XPO7: variants seen among roughly 807,000 people sequenced by gnomAD.
XPO7 encodes the protein exportin-7.
Under a neutral mutation model 144.3 loss-of-function variants are expected in XPO7, and 21 were observed. The observed-to-expected ratio is 0.15, with a 90% CI of 0.10 to 0.21. The LOEUF (loss-of-function observed/expected upper bound fraction) is 0.21, where lower values mean the gene tolerates loss of function less well. Among genes scored for constraint, XPO7 ranks in the 10% least tolerant of loss-of-function variants. XPO7 has a pLI of 1.00. For missense variants in XPO7, 808 were observed against 1,325.8 expected, an observed-to-expected ratio of 0.61 and a Z score of 6.06; for synonymous variants, 580 against 499.6, an observed-to-expected ratio of 1.16 and a Z score of -2.15.
chr8:21,959,473 A>T (rs1158818431), intron 1 of XPO7, among the ~76,000 whole-genome samples: 1 of 152,184 alleles, frequency 6.6e-6, no homozygotes, highest in Admixed American at 6.5e-5. Context: ...AGGAGTAGGG[A>T]TTTGTCTGCC....
At chr8:21,931,580 C>T (rs1810651697) in intron 1 of XPO7, among the ~76,000 whole-genome samples, 1 of 152,198 alleles carries the variant, frequency 6.6e-6, no homozygotes, top group Non-Finnish European at 1.5e-5. Context: ...TTTTTACAAC[C>T]AGCAATGAAA....
chr8:22,003,234 C>T lies in XPO7; in HGVS notation c.2959C>T (p.Leu987=). Residue 987 remains leucine, a synonymous_variant, in exon 26 of 28, where the codon CTG becomes TTG. Coordinates refer to ENST00000252512, the MANE Select transcript of XPO7 (RefSeq NM_015024.5). ...CCATTTTCAGATGCTGTCCACGGTG[C>T]TGAACATCATCATCTTTGAAGACTG... ...EMIQQMLSTV[L]NIIIFEDCRN... is the part of the protein sequence containing the mutation. The T allele has an allele frequency of 6.2e-7, 1 of 1,612,458 alleles. No individual in the cohort carries two copies. Among genetic ancestry groups the T allele is most frequent in the Non-Finnish European group, 8.5e-7 (1 of 1,179,298 alleles).
chr8:21,920,866 T>A (rs1204236770), intron 1 of XPO7, among the ~76,000 whole-genome samples: 1 of 152,190 alleles, frequency 6.6e-6, no homozygotes, highest in Non-Finnish European at 1.5e-5. Context: ...GTGGCATCAT[T>A]CCTCAAGTAA....
chr8:21,961,918 C>T (rs1181063843), intron 1 of XPO7, among the ~76,000 whole-genome samples: 1 of 152,250 alleles, frequency 6.6e-6, no homozygotes, highest in South Asian at 2.1e-4. Context: ...CCGCCTGAGC[C>T]TCCCAAAGTG....
At chr8:21,934,640 T>C (rs937663766) in intron 1 of XPO7, among the ~76,000 whole-genome samples, 1 of 152,032 alleles carries the variant, frequency 6.6e-6, no homozygotes, top group Non-Finnish European at 1.5e-5. Context: ...AGAAATGACA[T>C]GTTGAAAGTT....
At chr8:21,995,643 T>G (rs376982950) in intron 21 of XPO7, 44 bp downstream of exon 21, 1 of 1,450,560 alleles carries the variant, frequency 6.9e-7, no homozygotes, top group African/African-American at 1.4e-5. Context: ...TGCCCTGTTA[T>G]CTGAGAGAAT....
At chr8:21,927,184 C>G (rs1169200486) in intron 1 of XPO7, among the ~76,000 whole-genome samples, 1 of 151,822 alleles carries the variant, frequency 6.6e-6, no homozygotes, top group East Asian at 1.9e-4. Context: ...TACAGGAGTT[C>G]AAGTCCAGCC....
intron 1 of XPO7, among the ~76,000 whole-genome samples, chr8:21,924,318 CAT>C (rs1246066396): frequency 1.3e-5 from 2 of 152,158 alleles, no homozygotes; most frequent in African/African-American, 2.4e-5. Context: ...GTACAGAAAT[CAT>C]ATGTGTTCAG....
chr8:21,989,184 GT>G, intron 16 of XPO7, 101 bp downstream of exon 16: 2 of 1,087,360 alleles, frequency 1.8e-6, no homozygotes, highest in Non-Finnish European at 2.7e-6. Flanking sequence ...TAGCTGTAGT[GT>G]GTACTCACAT....
intron 1 of XPO7, among the ~76,000 whole-genome samples, chr8:21,960,627 T>C (rs896700548): frequency 1.3e-5 from 2 of 152,220 alleles, no homozygotes; most frequent in African/African-American, 4.8e-5. Flanking sequence ...GCCATCCTTA[T>C]CTCATGCACG....
At chr8:21,944,368 G>A (rs144054129) in intron 1 of XPO7, among the ~76,000 whole-genome samples, 3,462 of 152,200 alleles carry the variant, frequency 0.023, 138 homozygotes, top group African/African-American at 0.079. Flanking sequence ...AGGAGTTCGA[G>A]ACCAGCCTGG....
chr8:21,963,806 C>T lies in XPO7; in HGVS notation c.19-3051C>T, dbSNP rs556626222. ...AGTAATATAACATCTAATGTACCAA[C>T]AAAATCTTTATTTTCCCCTAATCTA... On this transcript the variant is annotated intron_variant, in intron 1 of 27. Coordinates refer to ENST00000252512, the MANE Select transcript of XPO7 (RefSeq NM_015024.5). Among the ~76,000 whole-genome samples, 29 of 152,076 alleles carry T rather than the reference C, an allele frequency of 1.9e-4. No individual in the cohort carries two copies. The East Asian group carries it at 2.9e-3, about 15-fold the overall frequency.
At chr8:21,969,662 A>G in intron 3 of XPO7, 86 bp downstream of exon 3, 1 of 1,231,240 alleles carries the variant, frequency 8.1e-7, no homozygotes. Flanking sequence ...GTGTTTGTTC[A>G]ATGATATGCT....
intron 8 of XPO7, among the ~76,000 whole-genome samples, 164 bp from the exon 9 acceptor site, chr8:21,979,920 G>A (rs1563330404): frequency 6.6e-6 from 1 of 151,732 alleles, no homozygotes; most frequent in Non-Finnish European, 1.5e-5. Flanking sequence ...GAATTTAATG[G>A]GCTGCCGTGG....
At chr8:21,970,105 T>G in intron 3 of XPO7, 39 bp from the exon 4 acceptor site, 2 of 1,591,312 alleles carry the variant, frequency 1.3e-6, no homozygotes, top group Non-Finnish European at 1.7e-6. Flanking sequence ...GAGCTTTCTA[T>G]TATGTGGATT....
chr8:21,924,319 A>G (rs1198204060), intron 1 of XPO7, among the ~76,000 whole-genome samples: 3 of 152,126 alleles, frequency 2.0e-5, no homozygotes, highest in African/African-American at 4.8e-5. Context: ...TACAGAAATC[A>G]TATGTGTTCA....
At chr8:21,990,446 C>G in intron 17 of XPO7, 39 bp downstream of exon 17, 3 of 1,604,194 alleles carry the variant, frequency 1.9e-6, no homozygotes, top group Non-Finnish European at 2.6e-6. Flanking sequence ...CCTCCTACCA[C>G]CCACACATAC....
chr8:21,920,452 G>A (rs1373920352), intron 1 of XPO7, among the ~76,000 whole-genome samples: 1 of 152,108 alleles, frequency 6.6e-6, no homozygotes, highest in Non-Finnish European at 1.5e-5. Flanking sequence ...CACAGTGAAG[G>A]AGTTGAGCGC....
intron 1 of XPO7, among the ~76,000 whole-genome samples, chr8:21,952,054 T>G (rs1380920665): frequency 2.0e-5 from 3 of 152,188 alleles, no homozygotes; most frequent in Non-Finnish European, 4.4e-5. Context: ...TTCTCTCCTT[T>G]CCTAGGATGG....
Sources: allele counts gnomAD v4.1 joint callset (sites outside exome capture counted in the v4.1 genomes callset), GRCh38; gene constraint gnomAD v4.1.1; transcripts MANE v1.5; gene names NCBI Gene and HGNC (gene_info 2026-07-23, HGNC 2026-07-21).